The following ESRRG variants were observed in gnomAD, a reference collection of about 807,000 sequenced individuals.
ESRRG encodes estrogen-related receptor gamma.
In ESRRG, 13 loss-of-function variants were observed where a neutral mutation model predicts 44.0. That is an observed-to-expected ratio of 0.30 (90% CI 0.19 to 0.47). The LOEUF (loss-of-function observed/expected upper bound fraction) is 0.47, where lower values mean the gene tolerates loss of function less well. Ranked by LOEUF, ESRRG falls within the 20% of genes least tolerant of loss-of-function variation. The pLI is 1.00. For synonymous variants in ESRRG, 215 were observed against 214.6 expected, an observed-to-expected ratio of 1.00 and a Z score of -0.02; for missense variants, 395 against 580.6, an observed-to-expected ratio of 0.68 and a Z score of 3.29.
intron 5 of ESRRG, among the ~76,000 whole-genome samples, chr1:216,558,821 AC>A (rs1206173095): frequency 6.6e-6 from 1 of 152,020 alleles, no homozygotes; most frequent in East Asian, 1.9e-4. Flanking sequence ...ATTAAAAATA[AC>A]CTTTAAATAT....
At chr1:216,685,354 C>T (rs2077739348) in intron 1 of ESRRG, among the ~76,000 whole-genome samples, 1 of 152,168 alleles carries the variant, frequency 6.6e-6, no homozygotes, top group African/African-American at 2.4e-5. Flanking sequence ...GAGCAGACCT[C>T]CTCTGCAGTA....
At chr1:216,854,087 G>A (rs1015673859) in intron 2 of ESRRG, among the ~76,000 whole-genome samples, 7 of 152,056 alleles carry the variant, frequency 4.6e-5, no homozygotes, top group East Asian at 3.9e-4. Context: ...GGCAGGGTGC[G>A]GTGGCTCATG....
At chr1:216,644,578 G>A (rs945019290) in intron 3 of ESRRG, among the ~76,000 whole-genome samples, 72 of 151,816 alleles carry the variant, frequency 4.7e-4, no homozygotes, top group African/African-American at 1.5e-3. Context: ...ACAGGTGTGT[G>A]CCACCACACC....
chr1:216,565,971 C>A (rs1573099107), intron 4 of ESRRG, among the ~76,000 whole-genome samples: 1 of 104,692 alleles, frequency 9.6e-6, no homozygotes, highest in Admixed American at 9.9e-5. Context: ...CGAAAGTAAT[C>A]ATGATTCTAG....
chr1:217,029,750 C>T (rs971611977), intron 1 of ESRRG, among the ~76,000 whole-genome samples: 3 of 152,146 alleles, frequency 2.0e-5, no homozygotes, highest in Non-Finnish European at 2.9e-5. Context: ...CACTACAGGC[C>T]TTTCCTATTC....
chr1:216,588,250 G>C (rs892963733), intron 3 of ESRRG, among the ~76,000 whole-genome samples: 1 of 152,116 alleles, frequency 6.6e-6, no homozygotes, highest in African/African-American at 2.4e-5. Flanking sequence ...TACTATTTGA[G>C]TTTAGCAAAC....
At chr1:216,666,489 G>A (rs2073960832) in intron 2 of ESRRG, among the ~76,000 whole-genome samples, 1 of 152,208 alleles carries the variant, frequency 6.6e-6, no homozygotes, top group Non-Finnish European at 1.5e-5. Flanking sequence ...GTCTGAAGCA[G>A]CCTTATTTGT....
chr1:216,779,123 T>C (rs1386273945), intron 2 of ESRRG, among the ~76,000 whole-genome samples: 1 of 121,786 alleles, frequency 8.2e-6, no homozygotes, highest in African/African-American at 3.1e-5. Flanking sequence ...TATATAATTA[T>C]ATATGTAAAT....
At chr1:216,811,397 T>C (rs1007414935) in intron 2 of ESRRG, among the ~76,000 whole-genome samples, 1 of 152,204 alleles carries the variant, frequency 6.6e-6, no homozygotes, top group Non-Finnish European at 1.5e-5. Flanking sequence ...ATAAATGTAA[T>C]GACTTCTGAT....
chr1:216,782,330 T>C (rs981584540), intron 2 of ESRRG, among the ~76,000 whole-genome samples: 4 of 152,038 alleles, frequency 2.6e-5, no homozygotes, highest in Admixed American at 1.3e-4. Flanking sequence ...ATGGCATGAT[T>C]CCTTCCTTCT....
intron 1 of ESRRG, among the ~76,000 whole-genome samples, chr1:216,708,794 G>A (rs961966247): frequency 6.6e-6 from 1 of 152,114 alleles, no homozygotes; most frequent in African/African-American, 2.4e-5. Context: ...GTTCACAATA[G>A]CAAAGACTTG....
At chr1:216,803,280 T>C (rs2094682027) in intron 2 of ESRRG, among the ~76,000 whole-genome samples, 1 of 152,166 alleles carries the variant, frequency 6.6e-6, no homozygotes, top group South Asian at 2.1e-4. Flanking sequence ...ACAAAATCTA[T>C]TTTAAAATAA....
chr1:216,924,023 G>A (rs550077461), intron 2 of ESRRG, among the ~76,000 whole-genome samples: 44 of 152,274 alleles, frequency 2.9e-4, no homozygotes, highest in Admixed American at 7.2e-4. Context: ...TCAAAATGAG[G>A]GAGCCCAGAA....
chr1:216,709,872 ATTTGTAAATAAGGACAGTGTC>A (rs1482939978), intron 1 of ESRRG, among the ~76,000 whole-genome samples: 7 of 152,164 alleles, frequency 4.6e-5, no homozygotes, highest in African/African-American at 1.7e-4. Context: ...AACACACCAA[ATTTGTAAATAAGGACAGTGTC>A]TTTGCAATAT....
chr1:216,527,303 A>G (rs1378140311), intron 5 of ESRRG, among the ~76,000 whole-genome samples: 1 of 152,144 alleles, frequency 6.6e-6, no homozygotes, highest in Admixed American at 6.6e-5. Context: ...CTTTTGGGGT[A>G]AATTTTAACA....
chr1:216,690,897 A>T (rs2078941121), intron 1 of ESRRG, among the ~76,000 whole-genome samples: 1 of 152,186 alleles, frequency 6.6e-6, no homozygotes, highest in Admixed American at 6.5e-5. Context: ...TATTTCACTG[A>T]CTTGAATGAT....
intron 1 of ESRRG, among the ~76,000 whole-genome samples, chr1:217,011,625 A>ATCTCC (rs1553770768): frequency 6.6e-6 from 1 of 151,884 alleles, no homozygotes; most frequent in Non-Finnish European, 1.5e-5. Flanking sequence ...CTAGCCTGGG[A>ATCTCC]TTGCTTTGGG....
At chr1:217,018,714 A>G (rs780737878) in intron 1 of ESRRG, among the ~76,000 whole-genome samples, 1 of 152,160 alleles carries the variant, frequency 6.6e-6, no homozygotes, top group African/African-American at 2.4e-5. Flanking sequence ...TAGGTCTGCC[A>G]GGTAACTATT....
At chr1:216,995,437 C>T (rs947618283) in intron 1 of ESRRG, among the ~76,000 whole-genome samples, 3 of 152,180 alleles carry the variant, frequency 2.0e-5, no homozygotes, top group Non-Finnish European at 4.4e-5. Flanking sequence ...GTCCCTAATC[C>T]TTAGCTTAGC....
Sources: allele counts gnomAD v4.1 joint callset (sites outside exome capture counted in the v4.1 genomes callset), GRCh38; gene constraint gnomAD v4.1.1; transcripts MANE v1.5; gene names NCBI Gene and HGNC (gene_info 2026-07-23, HGNC 2026-07-21).